The following DIAPH3 variants were observed in gnomAD, a reference collection of about 807,000 sequenced individuals.
DIAPH3 encodes protein diaphanous homolog 3.
A neutral mutation model predicts 144.3 loss-of-function variants in DIAPH3; 117 were observed. The ratio of observed to expected loss-of-function variants is 0.81; its 90% CI spans 0.70 to 0.95. The LOEUF is 0.95. Among genes scored for constraint, DIAPH3 ranks in the 40% least tolerant of loss-of-function variants. The probability of loss-of-function intolerance (pLI) is 0.00; values close to 1 mark genes in which losing one functional copy is unlikely to be tolerated. For synonymous variants in DIAPH3, 519 were observed against 488.9 expected, an observed-to-expected ratio of 1.06 and a Z score of -0.81; for missense variants, 1,421 against 1,412.7, an observed-to-expected ratio of 1.01 and a Z score of -0.09.
Position 59,839,244 on chromosome 13 carries a change from C to A in DIAPH3, c.2862+80G>T. On this transcript the variant is annotated intron_variant, in intron 23 of 27. Transcript: ENST00000400324. ...GGCACTACAGAATGATCTCTGGTTA[C>A]ACAAAGACATCTAAAATATTAAATA... 3 of 1,561,874 alleles carry A rather than the reference C, an allele frequency of 1.9e-6. No individual in the cohort carries two copies. The South Asian group carries it at 3.4e-5, about 18-fold the overall frequency.
At chr13:59,846,108 T>TA (rs920533743) in intron 22 of DIAPH3, among the ~76,000 whole-genome samples, 7 of 152,162 alleles carry the variant, frequency 4.6e-5, no homozygotes, top group Non-Finnish European at 1.0e-4. Context: ...GAGTAAAAGT[T>TA]AAAATCGAAA....
At chr13:59,942,357 T>C (rs1003065509) in intron 17 of DIAPH3, among the ~76,000 whole-genome samples, 5 of 152,154 alleles carry the variant, frequency 3.3e-5, no homozygotes, top group Admixed American at 2.6e-4. Flanking sequence ...TCACAGATCT[T>C]GCAACAATTT....
chr13:60,147,540 G>C (rs1951587532), intron 1 of DIAPH3, among the ~76,000 whole-genome samples: 1 of 152,198 alleles, frequency 6.6e-6, no homozygotes, highest in African/African-American at 2.4e-5. Context: ...TCTGCTTACA[G>C]ATACCAGGGA....
chr13:59,980,650 G>A, intron 14 of DIAPH3, 145 bp downstream of exon 14: 1 of 713,132 alleles, frequency 1.4e-6, no homozygotes, highest in Non-Finnish European at 2.5e-6. Context: ...TTTAGATACA[G>A]TAGTCCTCCT....
At chr13:59,676,006 G>A (rs745888152) in intron 27 of DIAPH3, among the ~76,000 whole-genome samples, 38 of 152,160 alleles carry the variant, frequency 2.5e-4, no homozygotes, top group Non-Finnish European at 4.9e-4. Context: ...CACATAGTGT[G>A]CTTTTAAGTA....
chr13:60,066,339 T>A (rs1392841242), intron 4 of DIAPH3, among the ~76,000 whole-genome samples: 1 of 152,210 alleles, frequency 6.6e-6, no homozygotes, highest in Non-Finnish European at 1.5e-5. Flanking sequence ...AATTACAGAA[T>A]GTAACACTCA....
intron 27 of DIAPH3, among the ~76,000 whole-genome samples, chr13:59,723,769 C>T (rs1000597919): frequency 3.3e-5 from 5 of 151,248 alleles, no homozygotes; most frequent in Admixed American, 6.6e-5. Flanking sequence ...TGCCACCGCA[C>T]CCAGCTAATT....
intron 25 of DIAPH3, among the ~76,000 whole-genome samples, chr13:59,778,449 T>A (rs762373879): frequency 6.6e-6 from 1 of 152,216 alleles, no homozygotes; most frequent in Non-Finnish European, 1.5e-5. Context: ...TAGCTAAATA[T>A]ATGTTGACTA....
At chr13:60,080,958 C>A (rs528892937) in intron 4 of DIAPH3, among the ~76,000 whole-genome samples, 1 of 151,854 alleles carries the variant, frequency 6.6e-6, no homozygotes, top group Non-Finnish European at 1.5e-5. Context: ...TTTTAAAATG[C>A]GCTCATATTC....
chr13:59,834,003 G>T (rs900511953), intron 23 of DIAPH3, among the ~76,000 whole-genome samples: 2 of 151,210 alleles, frequency 1.3e-5, no homozygotes, highest in Admixed American at 1.3e-4. Flanking sequence ...TAGAAAACTG[G>T]TATATAATTT....
intron 25 of DIAPH3, among the ~76,000 whole-genome samples, chr13:59,792,546 G>A (rs1045565720): frequency 5.3e-5 from 8 of 152,176 alleles, no homozygotes; most frequent in Middle Eastern, 3.4e-3. Flanking sequence ...TCCCATCACC[G>A]ACTTCCTTGG....
intron 9 of DIAPH3, among the ~76,000 whole-genome samples, chr13:60,007,302 C>T (rs1261687977): frequency 7.9e-5 from 12 of 152,154 alleles, no homozygotes; most frequent in African/African-American, 2.7e-4. Context: ...CTGCCTGCCT[C>T]AGCCTCCCAA....
chr13:60,056,643 A>T (rs572159273), intron 4 of DIAPH3, among the ~76,000 whole-genome samples: 1 of 151,926 alleles, frequency 6.6e-6, no homozygotes, highest in South Asian at 2.1e-4. Context: ...GAAATGTCTG[A>T]CTCCAAGGCT....
intron 27 of DIAPH3, among the ~76,000 whole-genome samples, chr13:59,686,387 G>A (rs1373724118): frequency 6.6e-6 from 1 of 151,652 alleles, no homozygotes; most frequent in Non-Finnish European, 1.5e-5. Flanking sequence ...AAATCACAAA[G>A]GATATCTATT....
At chr13:60,043,132 A>T (rs540778570) in intron 4 of DIAPH3, among the ~76,000 whole-genome samples, 2 of 152,330 alleles carry the variant, frequency 1.3e-5, no homozygotes, top group African/African-American at 4.8e-5. Context: ...TTTTAGGCAC[A>T]CACAAAATAA....
At chr13:60,147,475 T>G (rs1290082295) in intron 1 of DIAPH3, 1 of 152,140 alleles carries the variant, frequency 6.6e-6, no homozygotes, top group East Asian at 1.9e-4. Context: ...ATCTGTAAGG[T>G]ACAGTACAGT....
chr13:59,806,449 C>T (rs2040197069), intron 25 of DIAPH3, among the ~76,000 whole-genome samples: 1 of 151,990 alleles, frequency 6.6e-6, no homozygotes. Flanking sequence ...TTATATAAAT[C>T]TTACCAACTT....
intron 17 of DIAPH3, among the ~76,000 whole-genome samples, chr13:59,968,461 T>C (rs1462270872): frequency 1.3e-5 from 2 of 152,186 alleles, no homozygotes; most frequent in African/African-American, 4.8e-5. Flanking sequence ...AAGAGTACAC[T>C]AATCTTATTT....
chr13:59,699,620 AT>A (rs2033995079), intron 27 of DIAPH3, among the ~76,000 whole-genome samples: 1 of 152,212 alleles, frequency 6.6e-6, no homozygotes, highest in African/African-American at 2.4e-5. Flanking sequence ...ATCTTAATTT[AT>A]AGCTGGATTT....
Sources: gnomAD v4.1 joint callset for allele counts (sites outside exome capture counted in the v4.1 genomes callset) on GRCh38, gnomAD v4.1.1 for gene constraint, MANE v1.5 for transcripts, NCBI Gene and HGNC (gene_info 2026-07-23, HGNC 2026-07-21) for gene names.